Variants in SOX6 observed in about 807,000 individuals in gnomAD.
SOX6 encodes the protein SRY-box transcription factor 6, also known as transcription factor SOX-6.
A neutral mutation model predicts 97.8 loss-of-function variants in SOX6; 11 were observed. That is an observed-to-expected ratio of 0.11 (90% CI 0.07 to 0.19). SOX6 has a LOEUF of 0.19. SOX6 is among the 10% of genes least tolerant of loss of function. The pLI is 1.00. For synonymous variants in SOX6, 360 were observed against 371.4 expected (o/e 0.97, Z 0.35); for missense variants, 810 against 1,039.5 (o/e 0.78, Z 3.04).
intron 3 of SOX6, among the ~76,000 whole-genome samples, chr11:16,703,456 A>G (rs540049289): frequency 5.3e-5 from 8 of 152,306 alleles, no homozygotes; most frequent in African/African-American, 1.7e-4. Context: ...CTCTGTGCCA[A>G]GTTCTAGTCC....
chr11:16,302,733 C>T (rs919665993), intron 3 of SOX6, among the ~76,000 whole-genome samples: 136 of 152,010 alleles, frequency 8.9e-4, no homozygotes, highest in African/African-American at 3.2e-3. Context: ...CCACACCCAA[C>T]TAATTTTTCT....
chr11:16,079,601 C>T (rs573701993), intron 9 of SOX6, among the ~76,000 whole-genome samples: 14 of 151,952 alleles, frequency 9.2e-5, no homozygotes, highest in East Asian at 1.9e-4. Context: ...TTATAAATAT[C>T]GAGACATAAG....
chr11:16,363,262 G>A (rs1857255487), intron 1 of SOX6, among the ~76,000 whole-genome samples: 2 of 152,104 alleles, frequency 1.3e-5, no homozygotes, highest in African/African-American at 2.4e-5. Flanking sequence ...CTCAATAAAG[G>A]TTTTTGAGTA....
intron 1 of SOX6, among the ~76,000 whole-genome samples, chr11:16,398,995 G>T (rs1858457703): frequency 6.6e-6 from 1 of 151,248 alleles, no homozygotes; most frequent in South Asian, 2.1e-4. Context: ...TATGAGAGAA[G>T]GTTAAAGTGA....
intron 9 of SOX6, among the ~76,000 whole-genome samples, chr11:16,068,232 T>C (rs1322023091): frequency 6.6e-6 from 1 of 152,186 alleles, no homozygotes; most frequent in Admixed American, 6.5e-5. Context: ...CTCAAAACAA[T>C]GCTGATGACC....
At chr11:16,033,912 AAAAAGAAAAGAAAGG>A (rs1855450997) in intron 12 of SOX6, among the ~76,000 whole-genome samples, 1 of 151,964 alleles carries the variant, frequency 6.6e-6, no homozygotes, top group African/African-American at 2.4e-5. Flanking sequence ...AGAAAGAAAG[AAAAAGAAAAGAAAGG>A]AAAAGAAAAG....
chr11:16,531,684 A>G (rs575751572), intron 4 of SOX6, among the ~76,000 whole-genome samples: 39 of 151,946 alleles, frequency 2.6e-4, no homozygotes, highest in African/African-American at 8.9e-4. Context: ...AATAATATCC[A>G]CTCGCAGACT....
At chr11:16,568,654 G>T (rs958130986) in intron 4 of SOX6, among the ~76,000 whole-genome samples, 1 of 152,088 alleles carries the variant, frequency 6.6e-6, no homozygotes, top group African/African-American at 2.4e-5. Context: ...TTAGGGCAAT[G>T]AAGTAAGCAA....
At position 16,448,451 on chromosome 11, in the gene SOX6, C is replaced by A. The variant is rs569736856; in HGVS notation, c.-5+27864G>T. ...TACCCTCCTTTTATTCAACTTTCCC[C>A]CTTGGCAATAAAAAAAGTGCAATTT... is the stretch of plus-strand genomic sequence containing the variant. On this transcript the variant is annotated intron_variant, in intron 1 of 15. Coordinates refer to the SOX6 transcript ENST00000396356. 2.0e-4 allele frequency among the ~76,000 whole-genome samples: 30 copies of A among 152,026 alleles called. No homozygotes were observed. The South Asian group carries it at 6.2e-3, about 32-fold the overall frequency.
At chr11:16,164,394 C>G (rs1196380334) in intron 6 of SOX6, among the ~76,000 whole-genome samples, 6 of 152,196 alleles carry the variant, frequency 3.9e-5, no homozygotes, top group African/African-American at 1.2e-4. Context: ...CACTTTCCTC[C>G]ATCAGAATCA....
intron 3 of SOX6, chr11:16,314,347 C>T (rs927565249): frequency 3.3e-5 from 5 of 152,074 alleles, no homozygotes; most frequent in African/African-American, 9.7e-5. Context: ...CCAACTAAGA[C>T]CCATTTCCCT....
intron 3 of SOX6, among the ~76,000 whole-genome samples, chr11:16,699,450 T>C (rs751330492): frequency 1.2e-4 from 18 of 152,168 alleles, no homozygotes; most frequent in African/African-American, 4.1e-4. Flanking sequence ...TTATTTAGAA[T>C]GCAAATTTTC....
chr11:16,444,901 G>A (rs922859135), intron 1 of SOX6, among the ~76,000 whole-genome samples: 3 of 152,162 alleles, frequency 2.0e-5, no homozygotes, highest in East Asian at 1.9e-4. Flanking sequence ...GCTCACTTTC[G>A]CTCAGCCAGT....
chr11:16,480,240 A>T (rs1433911069), upstream of SOX6, among the ~76,000 whole-genome samples: 1 of 152,102 alleles, frequency 6.6e-6, no homozygotes, highest in East Asian at 1.9e-4. Flanking sequence ...TTATGGTTTG[A>T]TATTATTTAG....
intron 6 of SOX6, among the ~76,000 whole-genome samples, chr11:16,115,841 C>T (rs1849334891): frequency 6.6e-6 from 1 of 152,180 alleles, no homozygotes; most frequent in Non-Finnish European, 1.5e-5. Flanking sequence ...AAGCATATTG[C>T]TGGAGTTTGG....
chr11:16,052,047 T>A (rs77068723), intron 10 of SOX6, among the ~76,000 whole-genome samples: 3,655 of 152,268 alleles, frequency 0.024, 147 homozygotes, highest in African/African-American at 0.083. Flanking sequence ...TTTAGGTTTT[T>A]CATGTCTTGC....
intron 6 of SOX6, among the ~76,000 whole-genome samples, chr11:16,119,041 T>C (rs1355266277): frequency 6.6e-6 from 1 of 152,054 alleles, no homozygotes; most frequent in East Asian, 1.9e-4. Context: ...GTGCAAGAAG[T>C]GCAGTCAGAA....
intron 3 of SOX6, among the ~76,000 whole-genome samples, chr11:16,641,160 G>C (rs1381268249): frequency 6.6e-6 from 1 of 152,138 alleles, no homozygotes; most frequent in East Asian, 1.9e-4. Flanking sequence ...CCTTCATTTC[G>C]TTATGTACCC....
chr11:15,972,166 A>G lies in SOX6; in HGVS notation c.*643T>C, dbSNP rs1280679755. ...TGTTGGTTTGCTATTTTATTTTAAG[A>G]TGCCAAAGATTGTCTAAGACTTTGC... On this transcript the variant is annotated 3_prime_UTR_variant, in exon 16 of 16. Coordinates refer to ENST00000683767, the MANE Select transcript of SOX6 (RefSeq NM_001367873.1). 1.3e-5 allele frequency: 2 copies of G among 152,734 alleles called. No individual in the cohort carries two copies. Among genetic ancestry groups the G allele is most frequent in the African/African-American group, 4.8e-5 (2 of 41,462 alleles). 9.5% of individuals were successfully genotyped at this position (152,734 alleles called of 1,614,324 possible).
Sources: gnomAD v4.1 joint callset for allele counts (sites outside exome capture counted in the v4.1 genomes callset) on GRCh38, gnomAD v4.1.1 for gene constraint, MANE v1.5 for transcripts, NCBI Gene and HGNC (gene_info 2026-07-23, HGNC 2026-07-21) for gene names.